Variants in CNTNAP2 observed in about 807,000 individuals in gnomAD.
CNTNAP2 encodes the protein contactin-associated protein-like 2.
Under a neutral mutation model 155.2 loss-of-function variants are expected in CNTNAP2, and 98 were observed. That is an observed-to-expected ratio of 0.63 (90% confidence interval 0.54 to 0.75). The LOEUF (loss-of-function observed/expected upper bound fraction) is 0.75. CNTNAP2 is among the 30% of genes least tolerant of loss of function. The probability of loss-of-function intolerance (pLI) is 0.00; values close to 1 mark genes in which losing one functional copy is unlikely to be tolerated. For synonymous variants in CNTNAP2, 651 were observed against 631.2 expected (o/e 1.03, Z -0.47); for missense variants, 1,727 against 1,688.1 (o/e 1.02, Z -0.40).
chr7:148,394,346 T>G (rs916340079), intron 22 of CNTNAP2, among the ~76,000 whole-genome samples: 2 of 152,194 alleles, frequency 1.3e-5, no homozygotes, highest in African/African-American at 4.8e-5. Flanking sequence ...GACTCTCTGG[T>G]CTATTACATT....
chr7:147,862,505 C>A (rs1189171836), intron 13 of CNTNAP2, among the ~76,000 whole-genome samples: 1 of 152,088 alleles, frequency 6.6e-6, no homozygotes, highest in African/African-American at 2.4e-5. Context: ...CTAAAGAGGG[C>A]AGTCGGGAGA....
At chr7:146,265,062 A>G (rs543468695) in intron 1 of CNTNAP2, among the ~76,000 whole-genome samples, 2 of 152,360 alleles carry the variant, frequency 1.3e-5, no homozygotes, top group African/African-American at 4.8e-5. Context: ...GGCTGTATTT[A>G]AAAGTGAACA....
chr7:147,611,853 C>A (rs190753211), intron 12 of CNTNAP2, among the ~76,000 whole-genome samples: 102 of 152,252 alleles, frequency 6.7e-4, no homozygotes, highest in Non-Finnish European at 1.3e-3. Flanking sequence ...TGGTGAGATG[C>A]CTTTCCTATC....
intron 15 of CNTNAP2, chr7:148,044,649 A>G (rs926111017): frequency 3.9e-5 from 6 of 152,256 alleles, no homozygotes; most frequent in African/African-American, 1.4e-4. Context: ...GTCGGCCCTC[A>G]TCAGACACCA....
At chr7:146,677,861 GC>G (rs1194568254) in intron 1 of CNTNAP2, among the ~76,000 whole-genome samples, 2 of 151,966 alleles carry the variant, frequency 1.3e-5, no homozygotes, top group Non-Finnish European at 2.9e-5. Flanking sequence ...TGAAATAATT[GC>G]CCCCAGACGT....
chr7:147,577,944 A>T (rs1428104173), intron 12 of CNTNAP2, among the ~76,000 whole-genome samples: 1 of 152,022 alleles, frequency 6.6e-6, no homozygotes, highest in Non-Finnish European at 1.5e-5. Context: ...CACAGTATTC[A>T]TTTTTAATAT....
intron 8 of CNTNAP2, among the ~76,000 whole-genome samples, chr7:147,163,692 C>T (rs1802070638): frequency 6.6e-6 from 1 of 152,066 alleles, no homozygotes. Context: ...GAAGAGAGCT[C>T]ACAAGTTAGG....
chr7:147,318,009 A>G (rs1030508153), intron 9 of CNTNAP2, among the ~76,000 whole-genome samples: 5 of 152,148 alleles, frequency 3.3e-5, no homozygotes, highest in Admixed American at 6.6e-5. Flanking sequence ...TCGAAGAATG[A>G]ATAATTTTAA....
intron 1 of CNTNAP2, among the ~76,000 whole-genome samples, chr7:146,760,767 G>C (rs148686329): frequency 6.6e-6 from 1 of 151,644 alleles, no homozygotes; most frequent in South Asian, 2.1e-4. Flanking sequence ...CAAGTTTCTA[G>C]AACATTCGTC....
chr7:146,371,149 A>G (rs1355294549), intron 1 of CNTNAP2, among the ~76,000 whole-genome samples: 1 of 151,696 alleles, frequency 6.6e-6, no homozygotes, highest in Non-Finnish European at 1.5e-5. Flanking sequence ...TGCTCCATCC[A>G]TTTTCTGGTG....
chr7:146,136,321 T>G (rs1322658304), intron 1 of CNTNAP2, among the ~76,000 whole-genome samples: 1 of 152,158 alleles, frequency 6.6e-6, no homozygotes, highest in Non-Finnish European at 1.5e-5. Flanking sequence ...TTTATGCCAT[T>G]AGGGTGATTT....
At chr7:148,354,580 G>A (rs570811092) in intron 21 of CNTNAP2, among the ~76,000 whole-genome samples, 1 of 152,142 alleles carries the variant, frequency 6.6e-6, no homozygotes, top group Admixed American at 6.5e-5. Context: ...AAAAGAAGAG[G>A]GGTCTTGGTC....
At chr7:147,877,868 C>A (rs1319646740) in intron 13 of CNTNAP2, among the ~76,000 whole-genome samples, 2 of 152,116 alleles carry the variant, frequency 1.3e-5, no homozygotes, top group African/African-American at 4.8e-5. Flanking sequence ...GATATTAAAT[C>A]ATTTAAATTG....
chr7:147,008,804 C>T (rs907099241), intron 3 of CNTNAP2, among the ~76,000 whole-genome samples: 1 of 151,972 alleles, frequency 6.6e-6, no homozygotes, highest in African/African-American at 2.4e-5. Context: ...TTTATCTGGA[C>T]TTTTTCTCTG....
chr7:146,733,513 A>C (rs1364483192), intron 1 of CNTNAP2, among the ~76,000 whole-genome samples: 4 of 152,160 alleles, frequency 2.6e-5, no homozygotes, highest in Non-Finnish European at 5.9e-5. Flanking sequence ...TAGATTTTGA[A>C]ATAACTCAGA....
intron 1 of CNTNAP2, among the ~76,000 whole-genome samples, chr7:146,255,186 T>C (rs571896711): frequency 6.6e-6 from 1 of 152,294 alleles, no homozygotes; most frequent in Non-Finnish European, 1.5e-5. Flanking sequence ...GAGACAGCAT[T>C]GTTATTGCCA....
chr7:147,355,915 C>G (rs188247367), intron 9 of CNTNAP2, among the ~76,000 whole-genome samples: 9 of 152,162 alleles, frequency 5.9e-5, no homozygotes, highest in African/African-American at 1.9e-4. Context: ...AAAAGAGAGA[C>G]TCCTCCCTAA....
At chr7:146,511,790 A>C (rs1797470258) in intron 1 of CNTNAP2, among the ~76,000 whole-genome samples, 1 of 152,164 alleles carries the variant, frequency 6.6e-6, no homozygotes, top group African/African-American at 2.4e-5. Context: ...CTGGCCTCAT[A>C]AAATGAGTTT....
intron 1 of CNTNAP2, among the ~76,000 whole-genome samples, chr7:146,595,042 T>C (rs1002757887): frequency 1.3e-5 from 2 of 152,072 alleles, no homozygotes; most frequent in Admixed American, 6.6e-5. Context: ...GATGGATATG[T>C]TTAACCACTG....
Sources: gnomAD v4.1 joint callset for allele counts (sites outside exome capture counted in the v4.1 genomes callset) on GRCh38, gnomAD v4.1.1 for gene constraint, MANE v1.5 for transcripts, NCBI Gene and HGNC (gene_info 2026-07-23, HGNC 2026-07-21) for gene names.